The following PREX2 variants were observed in gnomAD, a reference collection of about 807,000 sequenced individuals.
The protein encoded by PREX2 is phosphatidylinositol-3,4,5-trisphosphate dependent Rac exchange factor 2, also known as phosphatidylinositol 3,4,5-trisphosphate-dependent Rac exchanger 2 protein.
A neutral mutation model predicts 203.2 loss-of-function variants in PREX2; 107 were observed. That is an observed-to-expected ratio of 0.53 (90% confidence interval 0.45 to 0.62). The LOEUF (loss-of-function observed/expected upper bound fraction) is 0.62, where lower values mean the gene tolerates loss of function less well. Among genes scored for constraint, PREX2 ranks in the 20% least tolerant of loss-of-function variants. The pLI, the probability that PREX2 is intolerant of heterozygous loss-of-function variation, is 0.00. For missense variants in PREX2, 1,777 were observed against 1,955.9 expected (o/e 0.91, Z 1.72); for synonymous variants, 672 against 663.6 (o/e 1.01, Z -0.19).
chr8:68,085,686 A>C (rs559638124), intron 18 of PREX2, among the ~76,000 whole-genome samples: 28 of 152,288 alleles, frequency 1.8e-4, no homozygotes, highest in Non-Finnish European at 3.4e-4. Flanking sequence ...CCAGGGAAAC[A>C]TGTTTTCTAA....
Position 68,004,736 on chromosome 8 carries a change from T to C in PREX2, c.142-13110T>C, listed in dbSNP as rs188146505. Reference sequence around the variant, plus strand: ...CCATATTCCGTCAGGTATGGGCATTTGACATTGAGAGGTTTTCATTTATTT... The same window carrying C: ...CCATATTCCGTCAGGTATGGGCATTCGACATTGAGAGGTTTTCATTTATTT... On this transcript the variant is annotated intron_variant, in intron 1 of 39. Transcript: ENST00000288368. 1.8e-4 allele frequency among the ~76,000 whole-genome samples: 28 copies of C among 152,356 alleles called. No homozygotes were observed. The East Asian group carries it at 5.4e-3, about 29-fold the overall frequency.
chr8:68,134,818 T>G (rs754295647), intron 32 of PREX2, among the ~76,000 whole-genome samples: 1 of 152,262 alleles, frequency 6.6e-6, no homozygotes, highest in Non-Finnish European at 1.5e-5. Context: ...TGTAGAATAT[T>G]CTATGTTTAT....
At chr8:68,050,571 A>G (rs1808499495) in intron 8 of PREX2, among the ~76,000 whole-genome samples, 1 of 152,196 alleles carries the variant, frequency 6.6e-6, no homozygotes. Context: ...ACAATTTGAC[A>G]TGAGATTTGT....
At chr8:68,161,260 A>C (rs573585618) in intron 35 of PREX2, among the ~76,000 whole-genome samples, 1 of 151,954 alleles carries the variant, frequency 6.6e-6, no homozygotes, top group South Asian at 2.1e-4. Context: ...ACGCCCGGCT[A>C]ATTTTTGTAT....
At chr8:68,010,751 G>A (rs7002878) in intron 1 of PREX2, among the ~76,000 whole-genome samples, 67,585 of 152,000 alleles carry the variant, frequency 0.44, 18,746 homozygotes, top group African/African-American at 0.79. Flanking sequence ...ATGTGTTTGA[G>A]TGCGTATTTC....
rs909313425 is a variant in PREX2 at position 68,072,492 on chromosome 8, T to C, written c.1494-3T>C. Reference sequence around the variant, plus strand: ...TTGTTTGTTTTTATTTTTTCCTTTATAGAGATAAAGATTACCATTTAAGGA... The same window carrying C: ...TTGTTTGTTTTTATTTTTTCCTTTACAGAGATAAAGATTACCATTTAAGGA... On this transcript the variant is annotated splice_polypyrimidine_tract_variant and splice_region_variant and intron_variant, in intron 13 of 39. Transcript: ENST00000288368. 4 of 1,539,474 alleles carry C rather than the reference T, an allele frequency of 2.6e-6. No individual in the cohort carries two copies. Among genetic ancestry groups the C allele is most frequent in the Non-Finnish European group, 3.6e-6 (4 of 1,116,678 alleles).
At chr8:67,998,318 A>G (rs1231226929) in intron 1 of PREX2, among the ~76,000 whole-genome samples, 1 of 152,136 alleles carries the variant, frequency 6.6e-6, no homozygotes, top group African/African-American at 2.4e-5. Flanking sequence ...TATAGTGGGG[A>G]AAGTTCTGTG....
At chr8:68,173,039 G>A (rs917787813) in intron 35 of PREX2, among the ~76,000 whole-genome samples, 1 of 152,126 alleles carries the variant, frequency 6.6e-6, no homozygotes, top group African/African-American at 2.4e-5. Context: ...GATTTCATGT[G>A]TTTTAATTGG....
At chr8:68,174,746 GCTA>G (rs1403642335) in intron 35 of PREX2, among the ~76,000 whole-genome samples, 2 of 152,148 alleles carry the variant, frequency 1.3e-5, no homozygotes, top group African/African-American at 4.8e-5. Flanking sequence ...TGACAAAGCA[GCTA>G]CTAATAGATG....
chr8:68,023,417 A>C (rs187617939), intron 4 of PREX2, among the ~76,000 whole-genome samples: 1 of 152,260 alleles, frequency 6.6e-6, no homozygotes, highest in Admixed American at 6.5e-5. Flanking sequence ...TTAACTCTTC[A>C]TGTCTCCTTT....
At chr8:68,209,937 T>C (rs2129615105) in intron 37 of PREX2, among the ~76,000 whole-genome samples, 1 of 152,282 alleles carries the variant, frequency 6.6e-6, no homozygotes, top group East Asian at 1.9e-4. Flanking sequence ...AGGAAATTCT[T>C]CTGCTAATTA....
chr8:68,165,516 C>A (rs874805), intron 35 of PREX2, among the ~76,000 whole-genome samples: 72,705 of 151,752 alleles, frequency 0.48, 18,044 homozygotes, highest in African/African-American at 0.62. Flanking sequence ...TTCCCCAGAA[C>A]CAGAAGTTGC....
intron 17 of PREX2, among the ~76,000 whole-genome samples, chr8:68,081,897 A>T (rs1219248694): frequency 1.3e-5 from 2 of 149,664 alleles, no homozygotes; most frequent in African/African-American, 2.5e-5. Context: ...AGGTTTTACC[A>T]TGTTGGCCAG....
At chr8:68,160,540 C>G (rs946067696) in intron 35 of PREX2, among the ~76,000 whole-genome samples, 4 of 152,026 alleles carry the variant, frequency 2.6e-5, no homozygotes, top group African/African-American at 9.7e-5. Context: ...TTTGATAGTA[C>G]TTCCTGTATG....
Position 68,077,727 on chromosome 8 carries a change from A to G in PREX2, c.1642+258A>G, listed in dbSNP as rs1033022078. 2.6e-5 allele frequency among the ~76,000 whole-genome samples: 4 copies of G among 152,202 alleles called. No homozygotes were observed. The East Asian group carries it at 7.7e-4, about 29-fold the overall frequency. ...TCTAGACTATGCTGATTCTAGAAGAACAATGGCTTGAGCTAGAAGTTTTTC... is the reference window on the plus strand; with the variant it reads ...TCTAGACTATGCTGATTCTAGAAGAGCAATGGCTTGAGCTAGAAGTTTTTC... On this transcript the variant is annotated intron_variant, in intron 15 of 39. Coordinates refer to ENST00000288368, the MANE Select transcript of PREX2 (RefSeq NM_024870.4).
chr8:68,103,774 G>A (rs952304158), intron 23 of PREX2: 1 of 515,450 alleles, frequency 1.9e-6, no homozygotes, highest in Admixed American at 2.0e-5. Context: ...CATATGCCTG[G>A]TTTTTGTCCT....
intron 21 of PREX2, among the ~76,000 whole-genome samples, chr8:68,096,700 A>G (rs908401477): frequency 6.6e-6 from 1 of 151,696 alleles, no homozygotes; most frequent in African/African-American, 2.4e-5. Flanking sequence ...TAAGTCATAC[A>G]TGTCTTTAAT....
At chr8:67,987,026 G>A (rs1806451631) in intron 1 of PREX2, among the ~76,000 whole-genome samples, 1 of 151,726 alleles carries the variant, frequency 6.6e-6, no homozygotes, top group Non-Finnish European at 1.5e-5. Context: ...GGTGTCAGGT[G>A]CCTGTAGTCC....
intron 10 of PREX2, among the ~76,000 whole-genome samples, chr8:68,059,286 A>G (rs1808772906): frequency 1.8e-5 from 2 of 111,594 alleles, no homozygotes; most frequent in South Asian, 2.7e-4. Context: ...TAATGATACC[A>G]CGTGACCTTT....
Sources: gnomAD v4.1 joint callset for allele counts (sites outside exome capture counted in the v4.1 genomes callset) on GRCh38, gnomAD v4.1.1 for gene constraint, MANE v1.5 for transcripts, NCBI Gene and HGNC (gene_info 2026-07-23, HGNC 2026-07-21) for gene names.